The following SGSH variants were observed in gnomAD, a reference collection of about 807,000 sequenced individuals.
SGSH encodes the protein N-sulfoglucosamine sulfohydrolase, also known as heparan sulfate sulfatase.
In SGSH, 48 loss-of-function variants were observed where a neutral mutation model predicts 51.0. The observed-to-expected ratio is 0.94, with a 90% CI of 0.75 to 1.20. The LOEUF (loss-of-function observed/expected upper bound fraction) is 1.20, where lower values mean the gene tolerates loss of function less well. Among genes scored for constraint, SGSH ranks in the 50% most tolerant of loss-of-function variants. The pLI is 0.00. For missense variants in SGSH, 662 were observed against 717.8 expected (o/e 0.92, Z 0.89); for synonymous variants, 321 against 313.4 (o/e 1.02, Z -0.26).
At chr17:80,220,140 A>G in intron 1 of SGSH, 86 bp downstream of exon 1, 1 of 962,234 alleles carries the variant, frequency 1.0e-6, no homozygotes, top group Non-Finnish European at 1.5e-6. Context: ...CACTAGGGTC[A>G]GCATTGACCA....
intron 3 of SGSH, 50 bp downstream of exon 3, chr17:80,214,983 C>T: frequency 6.6e-7 from 1 of 1,521,464 alleles, no homozygotes. Context: ...GGGCTCTGGC[C>T]TGGCCTCTGT....
chr17:80,209,933 TG>T lies in SGSH; in HGVS notation c.*518del. On this transcript the variant is annotated 3_prime_UTR_variant, in exon 8 of 8. Transcript: ENST00000326317. ...CAAAGGCTTCCTCTAGGCCAGACGCTGGTAAGAGCCAGGCGCCGTGCTCCCA... is the reference window on the plus strand; with the variant it reads ...CAAAGGCTTCCTCTAGGCCAGACGCTGTAAGAGCCAGGCGCCGTGCTCCCA... 1 of 998,628 alleles carries T rather than the reference TG, an allele frequency of 1.0e-6. No homozygotes were observed. Among genetic ancestry groups the T allele is most frequent in the Non-Finnish European group, 1.2e-6 (1 of 836,488 alleles). The allele number at this position is 998,628 out of a possible 1,614,324, so 61.9% of individuals were successfully genotyped here. A position where few individuals can be genotyped will look rare whatever the true frequency, so the allele number is the denominator to read the frequency against.
At position 80,211,024 on chromosome 17, in the gene SGSH, C is replaced by T. The variant is rs568262258; in HGVS notation, c.950-13G>A. On this transcript the variant is annotated splice_polypyrimidine_tract_variant and intron_variant, in intron 7 of 7. Coordinates refer to ENST00000326317, the MANE Select transcript of SGSH (RefSeq NM_000199.5). Reference sequence around the variant, plus strand: ...GTGGGCGTGAGGTCTGGAAGGGACGCGGCATCTCAGAGCAGCAGAGCCCTC... The same window carrying T: ...GTGGGCGTGAGGTCTGGAAGGGACGTGGCATCTCAGAGCAGCAGAGCCCTC... 30 of 1,598,208 alleles carry T rather than the reference C, an allele frequency of 1.9e-5. No homozygotes were observed. The East Asian group carries it at 2.2e-4, about 12-fold the overall frequency.
downstream of SGSH, chr17:80,202,191 C>T (rs753687072): frequency 6.2e-7 from 1 of 1,613,692 alleles, no homozygotes; most frequent in Admixed American, 1.7e-5. Context: ...TTATAAGAGG[C>T]TACTCCAGGA....
chr17:80,216,887 A>AGGCT, intron 2 of SGSH, 145 bp downstream of exon 2: 1 of 778,820 alleles, frequency 1.3e-6, no homozygotes, highest in Non-Finnish European at 2.0e-6. Context: ...TCACAGCCAT[A>AGGCT]GGCTGTGCCT....
At chr17:80,203,952 G>A (rs528483450), downstream of SGSH, 11 of 1,293,314 alleles carry the variant, frequency 8.5e-6, no homozygotes, top group South Asian at 1.3e-4. This position sits in a 1 kb window ranked among gnomAD's most constrained non-coding sequence, Gnocchi z 4.6. Context: ...GTGCTGGCAG[G>A]GTGGCAGGAG....
Position 80,220,289 on chromosome 17 carries a change from A to T in SGSH, c.25T>A (p.Cys9Ser), listed in dbSNP as rs1400013703. 6.6e-7 allele frequency: 1 copy of T among 1,519,042 alleles called. No individual in the cohort carries two copies. The allele number at this position is 1,519,042 out of a possible 1,614,324, so 94.1% of individuals were successfully genotyped here. MSCPVPAC[C>S]ALLLVLGLCR... Reference sequence around the variant, plus strand: ...AGCCCCAGGACTAGCAGCAGCGCGCAGCAGGCGGGCACGGGGCAGCTCATG... The same window carrying T: ...AGCCCCAGGACTAGCAGCAGCGCGCTGCAGGCGGGCACGGGGCAGCTCATG... Residue 9 changes from cysteine to serine, a missense_variant, in exon 1 of 8, where the codon TGC (cysteine) becomes AGC (serine). Coordinates refer to ENST00000326317, the MANE Select transcript of SGSH (RefSeq NM_000199.5).
chr17:80,204,930 G>A, downstream of SGSH: 2 of 940,550 alleles, frequency 2.1e-6, no homozygotes, highest in African/African-American at 1.6e-5. Flanking sequence ...TCTAGGTGCT[G>A]GGGCTGCTGC....
In SGSH at chr17:80,213,017, C is replaced by T. The variant is rs562110641; in HGVS notation, c.746-743G>A. ...CAGCCTGGCCAATGTGGTGAAACCC[C>T]GTCTCTACTAAAAATATAAAAATTA... On this transcript the variant is annotated intron_variant, in intron 6 of 7. Coordinates refer to ENST00000326317, the MANE Select transcript of SGSH (RefSeq NM_000199.5). This position sits in a 1 kb window ranked among gnomAD's most constrained non-coding sequence, Gnocchi z 4.6. 151 of 153,426 alleles carry T rather than the reference C, an allele frequency of 9.8e-4. No homozygotes were observed. Among genetic ancestry groups the T allele is most frequent in the Non-Finnish European group, 1.7e-3 (115 of 68,998 alleles). 9.5% of individuals were successfully genotyped at this position (153,426 alleles called of 1,614,324 possible).
chr17:80,215,709 C>G lies in SGSH; in HGVS notation c.250-571G>C, dbSNP rs1049112399. 2.0e-5 allele frequency among the ~76,000 whole-genome samples: 3 copies of G among 152,154 alleles called. No individual in the cohort carries two copies. In the South Asian group the frequency reaches 6.2e-4, roughly 32 times the overall value. ...TGGCGGGCGCCTGTAGTCCCAGCTA[C>G]TCGGGAGGCCGAGGTAGGAGAATGG... On this transcript the variant is annotated intron_variant, in intron 2 of 7. Coordinates refer to ENST00000326317, the MANE Select transcript of SGSH (RefSeq NM_000199.5).
At chr17:80,205,086 C>T (rs2041213254), downstream of SGSH, 1 of 1,613,054 alleles carries the variant, frequency 6.2e-7, no homozygotes, top group Non-Finnish European at 8.5e-7. Context: ...GTGCCCTATA[C>T]CCTGGTGCGG....
At position 80,214,627 on chromosome 17, in the gene SGSH, G is replaced by T. The variant is rs1453838397; in HGVS notation, c.494C>A (p.Thr165Asn). Residue 165 changes from threonine (T) to asparagine (N), a missense_variant, in exon 4 of 8, where the codon ACT (threonine) becomes AAT (asparagine). Physicochemically the swap from Thr to Asn is moderately conservative, Grantham distance 65. Transcript: ENST00000326317. ...IKLLVRKFLQ[T>N]QDDRPFFLYV... The stretch of plus-strand genomic sequence containing the variant: ...CCCCGACTCATACCGGTCATCCTGA[G>T]TCTGCAGGAATTTCCGGACGAGCAG... 6.2e-7 allele frequency: 1 copy of T among 1,613,184 alleles called. No individual in the cohort carries two copies. The highest frequency in any genetic ancestry group is 1.7e-5 in the Admixed American group (1 of 60,016).
chr17:80,220,201 G>GT, intron 1 of SGSH, 25 bp downstream of exon 1: 1 of 1,495,812 alleles, frequency 6.7e-7, no homozygotes, highest in Non-Finnish European at 8.9e-7. Flanking sequence ...GCAGGTGGGC[G>GT]TGGGGGGGCG....
At chr17:80,208,023 A>G (rs2041436494), downstream of SGSH, 1 of 737,158 alleles carries the variant, frequency 1.4e-6, no homozygotes, top group South Asian at 2.5e-5. Flanking sequence ...GGTCCCCTCA[A>G]AGCGAGGCCA....
the SGSH span, chr17:80,201,436 G>A: frequency 1.9e-5 from 7 of 360,970 alleles, no homozygotes; most frequent in South Asian, 7.8e-5. This position sits in a 1 kb window ranked among gnomAD's most constrained non-coding sequence, Gnocchi z 5.0. Flanking sequence ...CTAGAACCGA[G>A]GTTCTTTCTT....
chr17:80,204,011 T>C (rs1016000839), downstream of SGSH: 1 of 849,430 alleles, frequency 1.2e-6, no homozygotes, highest in Non-Finnish European at 1.8e-6. Context: ...CCCACCTGTC[T>C]CTCCTCTGCA....
downstream of SGSH, chr17:80,203,252 AGAGT>A (rs1311730366): frequency 1.3e-5 from 2 of 150,968 alleles, no homozygotes; most frequent in Non-Finnish European, 1.5e-5. This position sits in a 1 kb window ranked among gnomAD's most constrained non-coding sequence, Gnocchi z 4.6. Flanking sequence ...CCTGGGCGAC[AGAGT>A]GAGACTCTGT....
At position 80,213,788 on chromosome 17, in the gene SGSH, G is replaced by A. The variant is rs747468287; in HGVS notation, c.745+16C>T. 1.3e-5 allele frequency: 20 copies of A among 1,590,954 alleles called. No homozygotes were observed. The highest frequency in any genetic ancestry group is 5.3e-5 in the Admixed American group (3 of 56,162). The stretch of plus-strand genomic sequence containing the variant: ...GGCCGTGGCACCCCCTCCAGTGCCC[G>A]GTTCTGCAAGCCCACCTTGGTCCAT... On this transcript the variant is annotated intron_variant, in intron 6 of 7. Transcript: ENST00000326317. This position sits in a 1 kb window ranked among gnomAD's most constrained non-coding sequence, Gnocchi z 4.6.
At chr17:80,214,359 G>A in intron 4 of SGSH, 31 bp from the exon 5 acceptor site, 3 of 1,604,580 alleles carry the variant, frequency 1.9e-6, no homozygotes, top group Non-Finnish European at 2.6e-6. Context: ...TGCCAAGGCT[G>A]CGGGGCCACT....
Sources: gnomAD v4.1 joint callset for allele counts (sites outside exome capture counted in the v4.1 genomes callset) on GRCh38, gnomAD v4.1.1 for gene constraint, Gnocchi (gnomAD v3.1) non-coding constraint, MANE v1.5 for transcripts, NCBI Gene and HGNC (gene_info 2026-07-23, HGNC 2026-07-21) for gene names.